Variants in FRMD4A observed in about 807,000 individuals in gnomAD.
FRMD4A encodes the protein FERM domain-containing protein 4A.
FRMD4A carries 29 observed loss-of-function variants against 129.1 expected under a neutral mutation model. The observed-to-expected ratio is 0.22, with a 90% CI of 0.17 to 0.31. The LOEUF is 0.31. Among genes scored for constraint, FRMD4A ranks in the 10% least tolerant of loss-of-function variants. The pLI, the probability that FRMD4A is intolerant of heterozygous loss-of-function variation, is 1.00. For missense variants in FRMD4A, 1,272 were observed against 1,375.8 expected, an observed-to-expected ratio of 0.92 and a Z score of 1.19; for synonymous variants, 634 against 571.6, an observed-to-expected ratio of 1.11 and a Z score of -1.56.
intron 23 of FRMD4A, chr10:13,652,260 C>T: frequency 2.1e-6 from 1 of 467,834 alleles, no homozygotes; most frequent in South Asian, 2.5e-5. Flanking sequence ...TGCTGTTTTT[C>T]AAATTTGGCT....
chr10:13,929,677 A>G (rs1297227820), intron 2 of FRMD4A, among the ~76,000 whole-genome samples: 1 of 152,196 alleles, frequency 6.6e-6, no homozygotes, highest in Non-Finnish European at 1.5e-5. Flanking sequence ...GTTCTAAGTC[A>G]TTCCCGAATA....
At chr10:14,290,303 C>T (rs1845811488) in intron 2 of FRMD4A, among the ~76,000 whole-genome samples, 1 of 152,034 alleles carries the variant, frequency 6.6e-6, no homozygotes, top group Non-Finnish European at 1.5e-5. Flanking sequence ...AAACTGAAGG[C>T]ATCAGACTTC....
chr10:13,862,954 C>CT (rs963220545), intron 2 of FRMD4A, among the ~76,000 whole-genome samples: 26 of 138,332 alleles, frequency 1.9e-4, no homozygotes, highest in Admixed American at 5.8e-4. Flanking sequence ...TTTTTTGTTT[C>CT]TTTTTTTTTT....
intron 3 of FRMD4A, among the ~76,000 whole-genome samples, chr10:13,849,210 A>G (rs1345935510): frequency 1.3e-5 from 2 of 152,206 alleles, no homozygotes; most frequent in Admixed American, 6.5e-5. Flanking sequence ...CAGAAGGTTC[A>G]TAACACTGAG....
chr10:14,069,799 C>G (rs1299605772), intron 2 of FRMD4A, among the ~76,000 whole-genome samples: 1 of 152,100 alleles, frequency 6.6e-6, no homozygotes, highest in African/African-American at 2.4e-5. Context: ...TTTCAAAAAG[C>G]TTTTTAATAT....
chr10:13,881,993 GTGTGT>G (rs1564965510), intron 2 of FRMD4A, among the ~76,000 whole-genome samples: 6,881 of 146,204 alleles, frequency 0.047, 388 homozygotes, highest in East Asian at 0.2. Context: ...AGGCAAGGGT[GTGTGT>G]GTGTGTGTGT....
intron 2 of FRMD4A, chr10:14,008,212 T>TGTGTGTGTGTGTGTGTGTG (rs2095669434): frequency 7.2e-6 from 2 of 279,266 alleles, no homozygotes; most frequent in Non-Finnish European, 8.7e-6. Context: ...GTGTGTGTGT[T>TGTGTGTGTGTGTGTGTGTG]CCCAGCAAAG....
chr10:13,865,781 T>C (rs1040401065), intron 2 of FRMD4A, among the ~76,000 whole-genome samples: 2 of 152,136 alleles, frequency 1.3e-5, no homozygotes, highest in Non-Finnish European at 2.9e-5. Flanking sequence ...AAATTGATCC[T>C]GAACCCAGAA....
intron 2 of FRMD4A, among the ~76,000 whole-genome samples, chr10:13,879,463 T>C (rs370436336): frequency 6.6e-6 from 1 of 152,070 alleles, no homozygotes; most frequent in Non-Finnish European, 1.5e-5. Context: ...CAGTGAGCCA[T>C]GATGGCACCA....
At chr10:13,777,909 TCTC>T (rs1252102793) in intron 6 of FRMD4A, among the ~76,000 whole-genome samples, 1 of 149,866 alleles carries the variant, frequency 6.7e-6, no homozygotes, top group African/African-American at 2.5e-5. Flanking sequence ...CTCAAGCAAT[TCTC>T]CTGAGTGAGC....
intron 15 of FRMD4A, among the ~76,000 whole-genome samples, chr10:13,680,383 T>A (rs2084437846): frequency 6.6e-6 from 1 of 151,786 alleles, no homozygotes; most frequent in Non-Finnish European, 1.5e-5. Flanking sequence ...AACACATATA[T>A]GCTTTTGCAA....
At chr10:13,754,404 A>G (rs914005395) in intron 8 of FRMD4A, among the ~76,000 whole-genome samples, 1 of 152,192 alleles carries the variant, frequency 6.6e-6, no homozygotes, top group African/African-American at 2.4e-5. Flanking sequence ...AGCTTTCTGT[A>G]ACAATTTATA....
intron 22 of FRMD4A, among the ~76,000 whole-genome samples, chr10:13,656,405 G>A (rs2082147575): frequency 6.6e-6 from 1 of 152,144 alleles, no homozygotes; most frequent in African/African-American, 2.4e-5. Flanking sequence ...CACTCTGGAG[G>A]GTCAGGTGCA....
At chr10:13,910,126 T>A (rs1011957449) in intron 2 of FRMD4A, among the ~76,000 whole-genome samples, 6 of 152,262 alleles carry the variant, frequency 3.9e-5, no homozygotes, top group Non-Finnish European at 5.9e-5. Flanking sequence ...AAATCTGTTT[T>A]TCTTCCACTT....
chr10:13,887,322 A>G (rs893828242), intron 2 of FRMD4A, among the ~76,000 whole-genome samples: 7 of 152,198 alleles, frequency 4.6e-5, no homozygotes, highest in African/African-American at 1.7e-4. Flanking sequence ...AGTGACTTCC[A>G]TCTTCAAGTG....
At chr10:13,981,414 A>G (rs559184681) in intron 2 of FRMD4A, among the ~76,000 whole-genome samples, 1 of 152,286 alleles carries the variant, frequency 6.6e-6, no homozygotes, top group African/African-American at 2.4e-5. Context: ...ACAGACTGAA[A>G]GGTGTATGAA....
chr10:14,043,021 T>G (rs1389658690), intron 2 of FRMD4A, among the ~76,000 whole-genome samples: 1 of 148,004 alleles, frequency 6.8e-6, no homozygotes, highest in Non-Finnish European at 1.5e-5. Flanking sequence ...ACCTGTACAA[T>G]CCTCATGACA....
chr10:14,136,267 C>A (rs1244661558), intron 2 of FRMD4A, among the ~76,000 whole-genome samples: 1 of 152,144 alleles, frequency 6.6e-6, no homozygotes, highest in Non-Finnish European at 1.5e-5. Context: ...TCCCAGTTTA[C>A]TCCTAAATAT....
intron 2 of FRMD4A, among the ~76,000 whole-genome samples, chr10:14,124,441 C>T (rs906405094): frequency 3.9e-5 from 6 of 152,152 alleles, no homozygotes; most frequent in East Asian, 1.9e-4. Context: ...TTTGGGAGGC[C>T]GAAGCGGGTG....
Sources: gnomAD v4.1 joint callset for allele counts (sites outside exome capture counted in the v4.1 genomes callset) on GRCh38, gnomAD v4.1.1 for gene constraint, MANE v1.5 for transcripts, NCBI Gene and HGNC (gene_info 2026-07-23, HGNC 2026-07-21) for gene names.